The following CABIN1 variants were observed in gnomAD, a reference collection of about 807,000 sequenced individuals.
The protein encoded by CABIN1 is calcineurin-binding protein cabin-1.
A neutral mutation model predicts 227.7 loss-of-function variants in CABIN1; 133 were observed. The ratio of observed to expected loss-of-function variants is 0.58; its 90% confidence interval spans 0.51 to 0.67. The LOEUF (loss-of-function observed/expected upper bound fraction) is 0.67, where lower values mean the gene tolerates loss of function less well. Ranked by LOEUF, CABIN1 falls within the 30% of genes least tolerant of loss-of-function variation. The pLI is 0.00. For synonymous variants in CABIN1, 1,086 were observed against 1,155.1 expected (o/e 0.94, Z 1.21); for missense variants, 2,408 against 2,852.5 (o/e 0.84, Z 3.55).
chr22:24,168,855 C>T (rs1812552967), intron 33 of CABIN1, among the ~76,000 whole-genome samples: 1 of 152,186 alleles, frequency 6.6e-6, no homozygotes, highest in South Asian at 2.1e-4. Flanking sequence ...TAGAGCCAGT[C>T]TGGTTAGGAG....
chr22:24,160,712 G>T (rs1208481975), intron 29 of CABIN1, among the ~76,000 whole-genome samples: 2 of 152,260 alleles, frequency 1.3e-5, no homozygotes, highest in East Asian at 3.8e-4. Context: ...CCTGGGCATG[G>T]CCTTGGCCTG....
intron 29 of CABIN1, among the ~76,000 whole-genome samples, chr22:24,161,529 TTC>T (rs888771928): frequency 2.6e-5 from 4 of 152,110 alleles, no homozygotes; most frequent in African/African-American, 9.7e-5. Context: ...GCGACCCTGC[TTC>T]TCTCAGCTGC....
chr22:24,042,877 T>TGTGTGTG (rs1491335662), intron 5 of CABIN1, 27 bp from the exon 6 acceptor site: 6 of 1,463,720 alleles, frequency 4.1e-6, no homozygotes, highest in African/African-American at 1.5e-5. Context: ...TGTGTGTGTG[T>TGTGTGTG]TTGCCCTCTG....
chr22:24,093,738 G>T (rs1392840194), intron 24 of CABIN1, among the ~76,000 whole-genome samples: 1 of 151,768 alleles, frequency 6.6e-6, no homozygotes, highest in Non-Finnish European at 1.5e-5. Context: ...GATTAACAAG[G>T]CCTGGTGGCA....
At chr22:24,020,023 G>A (rs2035608404) in intron 1 of CABIN1, among the ~76,000 whole-genome samples, 2 of 152,056 alleles carry the variant, frequency 1.3e-5, no homozygotes, top group Admixed American at 1.3e-4. Context: ...TTGCACAGGT[G>A]GATAGTAGCA....
At chr22:24,170,251 TCTC>T in intron 33 of CABIN1, 1 of 425,770 alleles carries the variant, frequency 2.3e-6, no homozygotes, top group Admixed American at 2.5e-5. Context: ...CCTCTGGTTC[TCTC>T]CTCCCTTAAG....
At chr22:24,091,560 C>T (rs201944025) in intron 23 of CABIN1, 23 bp from the exon 24 acceptor site, 1 of 1,614,054 alleles carries the variant, frequency 6.2e-7, no homozygotes, top group Non-Finnish European at 8.5e-7. Context: ...TAAGGCCAGC[C>T]CAGTCTCATG....
At chr22:24,019,925 G>C (rs1376688390) in intron 1 of CABIN1, among the ~76,000 whole-genome samples, 8 of 152,192 alleles carry the variant, frequency 5.3e-5, no homozygotes, top group Admixed American at 6.5e-5. Context: ...CCAAAGTGCT[G>C]GGATTACAGG....
At chr22:24,065,257 C>A (rs2039549309) in intron 15 of CABIN1, among the ~76,000 whole-genome samples, 1 of 147,292 alleles carries the variant, frequency 6.8e-6, no homozygotes, top group Non-Finnish European at 1.5e-5. Context: ...GACGGGGCGG[C>A]TGCCAGGCGG....
chr22:24,081,673 G>T (rs2040813852), intron 19 of CABIN1, among the ~76,000 whole-genome samples: 1 of 151,714 alleles, frequency 6.6e-6, no homozygotes, highest in Non-Finnish European at 1.5e-5. Context: ...CTAACTTACT[G>T]AATTGAATGG....
At chr22:24,065,594 G>C (rs2039579274) in intron 15 of CABIN1, among the ~76,000 whole-genome samples, 1 of 152,180 alleles carries the variant, frequency 6.6e-6, no homozygotes, top group African/African-American at 2.4e-5. Flanking sequence ...TCACTTCCCA[G>C]ACGGGGTGGC....
chr22:24,093,750 G>C (rs191147224), intron 24 of CABIN1, among the ~76,000 whole-genome samples: 1 of 150,672 alleles, frequency 6.6e-6, no homozygotes, highest in Non-Finnish European at 1.5e-5. Context: ...CTGGTGGCAC[G>C]CACCTGTAGT....
chr22:24,130,289 A>G (rs987987194), intron 28 of CABIN1, among the ~76,000 whole-genome samples: 22 of 152,292 alleles, frequency 1.4e-4, no homozygotes, highest in African/African-American at 5.1e-4. Context: ...AGCACACAGC[A>G]CATGCCCAGG....
At chr22:24,139,068 C>CAT (rs2044586904) in intron 29 of CABIN1, among the ~76,000 whole-genome samples, 1 of 152,308 alleles carries the variant, frequency 6.6e-6, no homozygotes, top group African/African-American at 2.4e-5. Context: ...GATGAACAAA[C>CAT]ATATATATAT....
At chr22:24,110,296 C>T (rs2042739149) in intron 26 of CABIN1, among the ~76,000 whole-genome samples, 1 of 152,198 alleles carries the variant, frequency 6.6e-6, no homozygotes, top group Non-Finnish European at 1.5e-5. Context: ...AGTCTGCCTT[C>T]AGGTGATACT....
chr22:24,113,558 C>G lies in CABIN1; in HGVS notation c.4118-8C>G, dbSNP rs1229158918. 7 of 1,613,778 alleles carry G rather than the reference C, an allele frequency of 4.3e-6. No individual in the cohort carries two copies. The highest frequency in any genetic ancestry group is 5.9e-6 in the Non-Finnish European group (7 of 1,179,908). Reference sequence around the variant, plus strand: ...GCTCTCGCCCTCTCTTCCTCCTTCTCCCCTCAGACCGAAGCCAGGACAGCA... The same window carrying G: ...GCTCTCGCCCTCTCTTCCTCCTTCTGCCCTCAGACCGAAGCCAGGACAGCA... On this transcript the variant is annotated splice_region_variant and splice_polypyrimidine_tract_variant and intron_variant, in intron 26 of 36. Coordinates refer to ENST00000263119, the MANE Select transcript of CABIN1 (RefSeq NM_012295.4).
rs2146376178 is a variant in CABIN1 at position 24,060,027 on chromosome 22, A to G, written c.1503A>G (p.Val501=). 6.2e-7 allele frequency: 1 copy of G among 1,614,154 alleles called. No homozygotes were observed. Among genetic ancestry groups the G allele is most frequent in the Middle Eastern group, 1.6e-4 (1 of 6,062 alleles). The stretch of plus-strand genomic sequence containing the variant: ...AAGCCATGGGCCACAAGTTCTTGGT[A>G]AGGTGGCCTCCAGGCTTGGCGGAGG... ...YLKAMGHKFL[V]RWPPGLAEVV... The change falls in exon 12 of 37, where the codon GTA becomes GTG. Residue 501 remains valine (V), a synonymous_variant. Transcript: ENST00000263119.
At chr22:24,150,677 A>G (rs759319687) in intron 29 of CABIN1, among the ~76,000 whole-genome samples, 1 of 152,214 alleles carries the variant, frequency 6.6e-6, no homozygotes. Context: ...GAAGACCCCA[A>G]ACCCTGGTGG....
chr22:24,024,910 C>G (rs954223218), intron 1 of CABIN1, among the ~76,000 whole-genome samples: 2 of 151,740 alleles, frequency 1.3e-5, no homozygotes, highest in African/African-American at 4.8e-5. Context: ...TCCTTATTTC[C>G]TTTATTATTT....
Sources: allele counts gnomAD v4.1 joint callset (sites outside exome capture counted in the v4.1 genomes callset), GRCh38; gene constraint gnomAD v4.1.1; transcripts MANE v1.5; gene names NCBI Gene and HGNC (gene_info 2026-07-23, HGNC 2026-07-21).